ELK3: variants seen among roughly 807,000 people sequenced by gnomAD.
ELK3 encodes the protein ETS domain-containing protein Elk-3.
Under a neutral mutation model 28.9 loss-of-function variants are expected in ELK3, and 10 were observed. The observed-to-expected ratio is 0.35, with a 90% CI of 0.21 to 0.59. The LOEUF is 0.59. Among genes scored for constraint, ELK3 ranks in the 20% least tolerant of loss-of-function variants. The pLI is 0.82. For missense variants in ELK3, 463 were observed against 517.3 expected, an observed-to-expected ratio of 0.90 and a Z score of 1.02; for synonymous variants, 272 against 243.5, an observed-to-expected ratio of 1.12 and a Z score of -1.09.
At chr12:96,258,096 A>G (rs1040638940) in intron 3 of ELK3, among the ~76,000 whole-genome samples, 7 of 152,334 alleles carry the variant, frequency 4.6e-5, no homozygotes, top group Middle Eastern at 3.4e-3. Context: ...AGATGAGGCA[A>G]CTGAGACAGA....
intron 2 of ELK3, among the ~76,000 whole-genome samples, chr12:96,240,040 A>G (rs963938721): frequency 2.0e-5 from 3 of 152,236 alleles, no homozygotes; most frequent in Non-Finnish European, 2.9e-5. Flanking sequence ...GGATTGTGTA[A>G]GGTTTTCGTC....
At chr12:96,254,649 C>T (rs1269122514) in intron 3 of ELK3, among the ~76,000 whole-genome samples, 4 of 151,458 alleles carry the variant, frequency 2.6e-5, no homozygotes, top group Non-Finnish European at 1.5e-5. Context: ...GGGCTACAAA[C>T]GTGGATAAAA....
At chr12:96,246,417 G>A (rs546231014) in intron 2 of ELK3, among the ~76,000 whole-genome samples, 36 of 152,306 alleles carry the variant, frequency 2.4e-4, no homozygotes, top group African/African-American at 8.2e-4. Context: ...ATCCTCACTC[G>A]GCCAAGGTTG....
chr12:96,220,074 T>G (rs1274101917), intron 1 of ELK3, among the ~76,000 whole-genome samples: 1 of 152,186 alleles, frequency 6.6e-6, no homozygotes. Context: ...CTCTGCAGCT[T>G]GGTTGAACTG....
At chr12:96,248,143 G>T (rs898842707) in intron 3 of ELK3, among the ~76,000 whole-genome samples, 1 of 152,154 alleles carries the variant, frequency 6.6e-6, no homozygotes, top group Admixed American at 6.6e-5. Flanking sequence ...AGCCACTTGT[G>T]TTCTGTTAAC....
At chr12:96,243,937 C>T (rs1269866554) in intron 2 of ELK3, among the ~76,000 whole-genome samples, 6 of 145,598 alleles carry the variant, frequency 4.1e-5, no homozygotes, top group African/African-American at 1.5e-4. Flanking sequence ...ACCTAGGAGG[C>T]AGAGGTTGCA....
intron 1 of ELK3, among the ~76,000 whole-genome samples, chr12:96,196,861 T>C (rs1349789985): frequency 6.6e-6 from 1 of 151,244 alleles, no homozygotes; most frequent in South Asian, 2.1e-4. Flanking sequence ...GACAAAGACA[T>C]GTTGCTTTTA....
rs556391143 is a variant in ELK3, at chr12:96,197,308, G to A, written c.-3+2603G>A. ...TTGTTATAACTAAGGGGGTGCATTG[G>A]CTTCTGGAGGGTAGACGCCAGGGGT... On this transcript the variant is annotated intron_variant, in intron 1 of 4. Coordinates refer to ENST00000228741, the MANE Select transcript of ELK3 (RefSeq NM_005230.4). Among the ~76,000 whole-genome samples the A allele has an allele frequency of 5.9e-5, 9 of 152,304 alleles. No homozygotes were observed. The South Asian group carries it at 1.2e-3, about 21-fold the overall frequency.
At chr12:96,265,270 C>T (rs1373662374) in intron 4 of ELK3, among the ~76,000 whole-genome samples, 2 of 152,040 alleles carry the variant, frequency 1.3e-5, no homozygotes, top group Admixed American at 6.6e-5. Flanking sequence ...ATTGAGTATA[C>T]AGAAATAATA....
chr12:96,220,263 T>A (rs2137012239), intron 1 of ELK3, among the ~76,000 whole-genome samples: 1 of 152,170 alleles, frequency 6.6e-6, no homozygotes, highest in Non-Finnish European at 1.5e-5. Context: ...TTTCTCTCCT[T>A]CTACCTTTGC....
chr12:96,246,865 T>G, intron 2 of ELK3, 75 bp from the exon 3 acceptor site: 1 of 1,451,836 alleles, frequency 6.9e-7, no homozygotes, highest in Non-Finnish European at 9.3e-7. Context: ...GCCAGCGACA[T>G]TTACCATTAT....
chr12:96,247,384 G>A lies in ELK3; in HGVS notation c.652G>A (p.Val218Ile), dbSNP rs764803238. The A allele has an allele frequency of 8.7e-6, 14 of 1,614,010 alleles. No homozygotes were observed. Among genetic ancestry groups the A allele is most frequent in the African/African-American group, 1.3e-5 (1 of 74,930 alleles). The change falls in exon 3 of 5, where the codon GTC (valine) becomes ATC (isoleucine). Residue 218 changes from valine to isoleucine, a missense_variant. By Grantham distance (29) the Val-to-Ile change is conservative (BLOSUM62 3). Coordinates refer to ENST00000228741, the MANE Select transcript of ELK3 (RefSeq NM_005230.4). The surrounding 1 kb of genome is among the most constrained non-coding windows in gnomAD (Gnocchi z 5.5). The part of the protein sequence containing the change: ...AAASAFLASS[V>I]SAKISSLMLP... ...GGCGTCCGCCTTCCTGGCCTCGTCC[G>A]TCTCGGCCAAGATCTCCTCTTTAAT...
chr12:96,256,755 T>C (rs1053318243), intron 3 of ELK3, among the ~76,000 whole-genome samples: 1 of 152,052 alleles, frequency 6.6e-6, no homozygotes, highest in Non-Finnish European at 1.5e-5. Context: ...TCCCATCTGG[T>C]TGAGGGGAGA....
intron 4 of ELK3, among the ~76,000 whole-genome samples, chr12:96,266,816 A>G (rs1952035355): frequency 6.6e-6 from 1 of 152,224 alleles, no homozygotes; most frequent in South Asian, 2.1e-4. Context: ...TGCTTTAGCA[A>G]CATATAAATT....
chr12:96,224,936 G>A (rs1951688540), intron 2 of ELK3, among the ~76,000 whole-genome samples: 2 of 152,192 alleles, frequency 1.3e-5, no homozygotes, highest in African/African-American at 4.8e-5. Flanking sequence ...AGGAAGTAGA[G>A]ACATCATTAA....
intron 2 of ELK3, among the ~76,000 whole-genome samples, chr12:96,234,257 C>T (rs1259551373): frequency 6.6e-6 from 1 of 152,172 alleles, no homozygotes; most frequent in African/African-American, 2.4e-5. Flanking sequence ...GAGCCAGAGG[C>T]CCGGGAGCGC....
At chr12:96,194,921 A>C (rs1430627047) in intron 1 of ELK3, among the ~76,000 whole-genome samples, 3 of 132,054 alleles carry the variant, frequency 2.3e-5, no homozygotes, top group African/African-American at 8.6e-5. Flanking sequence ...CGTCGCTGCC[A>C]CCGCCGTCGC....
chr12:96,228,546 A>G (rs1156355878), intron 2 of ELK3, among the ~76,000 whole-genome samples: 1 of 151,932 alleles, frequency 6.6e-6, no homozygotes, highest in Non-Finnish European at 1.5e-5. Context: ...ACCTATCAGG[A>G]GCACTTTGTC....
Position 96,205,987 on chromosome 12 carries a change from A to G in ELK3, c.-3+11282A>G, listed in dbSNP as rs186097259. ...AGTGTATTACTTTAATGACAAAACT[A>G]TATGCTGCTTGAAGGCATCTTGAAT... is the stretch of plus-strand genomic sequence containing the variant. On this transcript the variant is annotated intron_variant, in intron 1 of 4. Transcript: ENST00000228741. 3.3e-5 allele frequency among the ~76,000 whole-genome samples: 5 copies of G among 152,296 alleles called. 1 individual carries two copies. The highest frequency in any genetic ancestry group is 3.9e-4 in the East Asian group (2 of 5,182).
Sources: gnomAD v4.1 joint callset for allele counts (sites outside exome capture counted in the v4.1 genomes callset) on GRCh38, gnomAD v4.1.1 for gene constraint, Gnocchi (gnomAD v3.1) non-coding constraint, MANE v1.5 for transcripts, NCBI Gene and HGNC (gene_info 2026-07-23, HGNC 2026-07-21) for gene names.